The following MEIS1 variants were observed in gnomAD, a reference collection of about 807,000 sequenced individuals.
MEIS1 encodes Meis homeobox 1.
In MEIS1, 5 loss-of-function variants were observed where a neutral mutation model predicts 50.8. The ratio of observed to expected loss-of-function variants is 0.10; its 90% CI spans 0.05 to 0.21. The LOEUF is 0.21. Among genes scored for constraint, MEIS1 ranks in the 10% least tolerant of loss-of-function variants. The pLI, the probability that MEIS1 is intolerant of heterozygous loss-of-function variation, is 1.00. For synonymous variants in MEIS1, 176 were observed against 179.3 expected (o/e 0.98, Z 0.15); for missense variants, 318 against 517.3 (o/e 0.61, Z 3.74).
intron 3 of MEIS1, chr2:66,440,217 C>A: frequency 3.3e-6 from 2 of 598,910 alleles, no homozygotes; most frequent in Non-Finnish European, 2.9e-6. Flanking sequence ...ATCTGCATCC[C>A]CACTCACCCT....
rs1671861711 is a variant in MEIS1 at position 66,438,597 on chromosome 2, G to A, written c.239+634G>A. Among the ~76,000 whole-genome samples, 4 of 152,198 alleles carry A rather than the reference G, an allele frequency of 2.6e-5. No individual in the cohort carries two copies. In the South Asian group the frequency reaches 8.3e-4, roughly 31 times the overall value. ...TTTGTGCTCAAAGGCGAAACCTGCA[G>A]GATTTAGAAATAAGTAAATTCGGGG... On this transcript the variant is annotated intron_variant, in intron 2 of 12. Transcript: ENST00000272369.
chr2:66,467,698 T>C (rs1356659423), intron 7 of MEIS1, among the ~76,000 whole-genome samples: 1 of 152,188 alleles, frequency 6.6e-6, no homozygotes, highest in Non-Finnish European at 1.5e-5. Context: ...AGGGATTTAA[T>C]GTTTATTCGC....
intron 9 of MEIS1, among the ~76,000 whole-genome samples, chr2:66,549,766 T>C (rs1674875192): frequency 6.6e-6 from 1 of 152,096 alleles, no homozygotes; most frequent in Admixed American, 6.6e-5. Flanking sequence ...GGATCTATCC[T>C]GTGAGCCATC....
chr2:66,518,111 C>T (rs1674014175), intron 8 of MEIS1, among the ~76,000 whole-genome samples: 1 of 152,158 alleles, frequency 6.6e-6, no homozygotes, highest in Admixed American at 6.5e-5. Flanking sequence ...AGTTATGCAC[C>T]TCTGACCTGG....
chr2:66,436,080 A>G (rs1671789900), intron 1 of MEIS1, among the ~76,000 whole-genome samples: 1 of 152,178 alleles, frequency 6.6e-6, no homozygotes, highest in Non-Finnish European at 1.5e-5. Context: ...ATTTATCTAT[A>G]GATTCCTAAC....
intron 8 of MEIS1, among the ~76,000 whole-genome samples, chr2:66,529,877 A>G (rs1420469011): frequency 6.6e-6 from 1 of 152,150 alleles, no homozygotes; most frequent in Admixed American, 6.5e-5. Context: ...GTTCCATGCA[A>G]TTTGTTAATG....
intron 7 of MEIS1, among the ~76,000 whole-genome samples, chr2:66,473,412 A>ATATATATG (rs1672816988): frequency 1.4e-5 from 2 of 142,028 alleles, no homozygotes; most frequent in African/African-American, 5.5e-5. Flanking sequence ...ATATATATAT[A>ATATATATG]TATATAGTAA....
intron 7 of MEIS1, among the ~76,000 whole-genome samples, chr2:66,503,300 C>T (rs2103834536): frequency 6.6e-6 from 1 of 152,304 alleles, no homozygotes; most frequent in Middle Eastern, 3.4e-3. Context: ...TCTCCAGCCT[C>T]ATCTTGTTTT....
intron 6 of MEIS1, among the ~76,000 whole-genome samples, chr2:66,452,271 G>A (rs1411502860): frequency 6.6e-6 from 1 of 151,816 alleles, no homozygotes; most frequent in Non-Finnish European, 1.5e-5. Flanking sequence ...GAGATGTAGT[G>A]TCAGGAGTAA....
chr2:66,478,014 ACT>A (rs1472251315), intron 7 of MEIS1, among the ~76,000 whole-genome samples: 2 of 152,208 alleles, frequency 1.3e-5, no homozygotes, highest in African/African-American at 4.8e-5. Flanking sequence ...GGCTAAAAAC[ACT>A]GTCACCTGGT....
At chr2:66,447,522 T>A (rs1672181776) in intron 6 of MEIS1, among the ~76,000 whole-genome samples, 1 of 152,240 alleles carries the variant, frequency 6.6e-6, no homozygotes, top group Admixed American at 6.5e-5. Flanking sequence ...GTCACTACAC[T>A]GGCTAATTGG....
intron 7 of MEIS1, among the ~76,000 whole-genome samples, chr2:66,510,596 G>C (rs1673804097): frequency 6.6e-6 from 1 of 151,944 alleles, no homozygotes; most frequent in African/African-American, 2.4e-5. Flanking sequence ...TGCATTTATA[G>C]CATATTCTGT....
chr2:66,445,397 T>G (rs1481112431), intron 6 of MEIS1: 3 of 152,390 alleles, frequency 2.0e-5, no homozygotes, highest in African/African-American at 7.2e-5. Context: ...GCGCGACGAA[T>G]GAAGCACCAG....
intron 9 of MEIS1, among the ~76,000 whole-genome samples, chr2:66,559,066 C>T (rs1675145790): frequency 4.6e-5 from 7 of 151,802 alleles, no homozygotes; most frequent in Admixed American, 3.3e-4. Flanking sequence ...CACTTGAACC[C>T]AGGAGGCAGA....
intron 8 of MEIS1, among the ~76,000 whole-genome samples, chr2:66,520,344 G>A (rs1674084441): frequency 6.6e-6 from 1 of 151,352 alleles, no homozygotes; most frequent in South Asian, 2.1e-4. Context: ...AGCCGGGCTT[G>A]GTGGTAGGCA....
intron 8 of MEIS1, among the ~76,000 whole-genome samples, chr2:66,515,532 T>C (rs1431652312): frequency 6.6e-6 from 1 of 152,140 alleles, no homozygotes; most frequent in East Asian, 1.9e-4. Context: ...AAGAGAGAAC[T>C]AAAGCCTCAC....
intron 9 of MEIS1, among the ~76,000 whole-genome samples, chr2:66,565,683 C>T (rs955133362): frequency 2.0e-5 from 3 of 152,114 alleles, no homozygotes; most frequent in Non-Finnish European, 4.4e-5. Context: ...TAGTATAAGT[C>T]ACATCCATAA....
intron 7 of MEIS1, among the ~76,000 whole-genome samples, chr2:66,498,967 T>A (rs1673481120): frequency 6.6e-6 from 1 of 152,222 alleles, no homozygotes; most frequent in Non-Finnish European, 1.5e-5. Flanking sequence ...GTTACTTTTA[T>A]CTTTACTGTG....
At chr2:66,439,206 C>T (rs1256229756) in intron 2 of MEIS1, 1 of 919,028 alleles carries the variant, frequency 1.1e-6, no homozygotes, top group Non-Finnish European at 1.3e-6. Flanking sequence ...TTTGAAGGAA[C>T]TTTCTTTGGG....
Sources: allele counts gnomAD v4.1 joint callset (sites outside exome capture counted in the v4.1 genomes callset), GRCh38; gene constraint gnomAD v4.1.1; transcripts MANE v1.5; gene names NCBI Gene and HGNC (gene_info 2026-07-23, HGNC 2026-07-21).